Variants in IVD observed in about 807,000 individuals in gnomAD.
IVD encodes the protein isovaleryl-CoA dehydrogenase, mitochondrial.
Under a neutral mutation model 51.3 loss-of-function variants are expected in IVD, and 31 were observed. The ratio of observed to expected loss-of-function variants is 0.60; its 90% CI spans 0.45 to 0.81. The LOEUF is 0.81. IVD is among the 40% of genes least tolerant of loss of function. IVD has a pLI of 0.00. For missense variants in IVD, 475 were observed against 552.0 expected (o/e 0.86, Z 1.40); for synonymous variants, 205 against 219.4 (o/e 0.93, Z 0.58).
In IVD at chr15:40,406,078, C is replaced by T. The variant is rs1890376621; in HGVS notation, c.144+107C>T. 2.6e-6 allele frequency: 4 copies of T among 1,544,358 alleles called. No homozygotes were observed. In the South Asian group the frequency reaches 4.8e-5, roughly 18 times the overall value. ...CGGCCCAGCGCCCACCCAGCCTTGG[C>T]TTTTGCCCGTGGGCCGTTGGGAGCG... On this transcript the variant is annotated intron_variant, in intron 1 of 11. Coordinates refer to ENST00000487418, the MANE Select transcript of IVD (RefSeq NM_002225.5).
At chr15:40,417,844 T>G (rs1254052215) in intron 11 of IVD, among the ~76,000 whole-genome samples, 1 of 152,202 alleles carries the variant, frequency 6.6e-6, no homozygotes, top group Non-Finnish European at 1.5e-5. Context: ...GCCTAGCTCA[T>G]AAATTAAACT....
intron 8 of IVD, 51 bp from the exon 9 acceptor site, chr15:40,415,350 C>G: frequency 6.7e-7 from 1 of 1,482,614 alleles, no homozygotes; most frequent in African/African-American, 1.4e-5. Flanking sequence ...TGCCACCACA[C>G]CCGGTGGTGG....
In IVD at chr15:40,414,900, C is replaced by A; in HGVS notation, c.796C>A (p.Leu266Met). 6.2e-7 allele frequency: 1 copy of A among 1,614,172 alleles called. No individual in the cohort carries two copies. The highest frequency in any genetic ancestry group is 8.5e-7 in the Non-Finnish European group (1 of 1,180,018). ...EDCKIPAANILGHENKGVYVL... is the reference protein window; with the variant it reads ...EDCKIPAANIMGHENKGVYVL... ...ACTTATCCTGGCAGCTGCCAACATC[C>A]TGGGCCATGAGAATAAGGGTGTCTA... is the stretch of plus-strand genomic sequence containing the variant. Residue 266 changes from leucine (L) to methionine (M), a missense_variant, in exon 8 of 12, where the codon CTG (leucine) becomes ATG (methionine). Coordinates refer to ENST00000487418, the MANE Select transcript of IVD (RefSeq NM_002225.5).
intron 3 of IVD, among the ~76,000 whole-genome samples, chr15:40,408,434 C>T (rs781657219): frequency 6.6e-6 from 1 of 152,192 alleles, no homozygotes; most frequent in African/African-American, 2.4e-5. Context: ...TGCCTGTGTC[C>T]TCTTCTGCTT....
Position 40,405,832 on chromosome 15 carries a change from C to T in IVD, c.5C>T (p.Ala2Val), listed in dbSNP as rs200977412. Residue 2 changes from alanine (A) to valine (V), a missense_variant, in exon 1 of 12, where the codon GCG becomes GTG. By Grantham distance (64) the Ala-to-Val change is moderately conservative (BLOSUM62 0). Transcript: ENST00000487418. ...GGCTCTTCGTGCATGGCAGAGATGG[C>T]GACTGCGACTCGGCTGCTGGGGTGG... Reference protein sequence around the residue: MATATRLLGWRV... With the variant: MVTATRLLGWRV... The T allele has an allele frequency of 3.0e-5, 49 of 1,611,620 alleles. No individual in the cohort carries two copies. Among genetic ancestry groups the T allele is most frequent in the East Asian group, 2.2e-4 (10 of 44,836 alleles).
At chr15:40,429,702 G>A (rs1043285326) in intron 7 of IVD, among the ~76,000 whole-genome samples, 39 of 152,176 alleles carry the variant, frequency 2.6e-4, no homozygotes, top group African/African-American at 9.2e-4. Flanking sequence ...CATCAAGGGC[G>A]GCCTTGGAGC....
chr15:40,414,678 C>T (rs902598894), intron 7 of IVD: 5 of 680,488 alleles, frequency 7.3e-6, no homozygotes, highest in Admixed American at 2.5e-5. Flanking sequence ...TGGTTGGCCT[C>T]GTGGATGGGG....
rs903466337 is a variant in IVD, at chr15:40,418,774, T to C, written c.*511T>C. On this transcript the variant is annotated 3_prime_UTR_variant, in exon 12 of 12. Coordinates refer to ENST00000487418, the MANE Select transcript of IVD (RefSeq NM_002225.5). ...CTAATCCTGAAATCTGAAACACTTGTGGTTCCAAGCATTTTGGATAAGGCA... is the reference window on the plus strand; with the variant it reads ...CTAATCCTGAAATCTGAAACACTTGCGGTTCCAAGCATTTTGGATAAGGCA... The C allele has an allele frequency of 7.3e-6, 8 of 1,095,436 alleles. No individual in the cohort carries two copies. Among genetic ancestry groups the C allele is most frequent in the Admixed American group, 4.8e-5 (1 of 20,978 alleles). The allele number at this position is 1,095,436 out of a possible 1,614,324, so 67.9% of individuals were successfully genotyped here.
chr15:40,413,816 G>C (rs1387584190), intron 7 of IVD, among the ~76,000 whole-genome samples: 1 of 151,834 alleles, frequency 6.6e-6, no homozygotes, highest in African/African-American at 2.4e-5. Flanking sequence ...TCAGCCTCCC[G>C]AGTAGCTGGG....
downstream of IVD, among the ~76,000 whole-genome samples, chr15:40,422,536 G>C (rs1375048444): frequency 7.1e-6 from 1 of 140,012 alleles, no homozygotes; most frequent in South Asian, 2.3e-4. Context: ...ACCCACCTCG[G>C]CCTCCCAAAG....
downstream of IVD, among the ~76,000 whole-genome samples, chr15:40,427,594 T>C (rs2141418788): frequency 6.6e-6 from 1 of 152,334 alleles, no homozygotes; most frequent in South Asian, 2.1e-4. Flanking sequence ...TACTTGAGTC[T>C]TGTCTGATGC....
chr15:40,415,563 C>A, intron 9 of IVD, 81 bp downstream of exon 9: 1 of 1,201,774 alleles, frequency 8.3e-7, no homozygotes, highest in Non-Finnish European at 1.2e-6. Flanking sequence ...GAGGTGGGCA[C>A]CGTGGATGGT....
At chr15:40,427,357 A>G (rs901084534), downstream of IVD, among the ~76,000 whole-genome samples, 19 of 152,368 alleles carry the variant, frequency 1.2e-4, no homozygotes, top group African/African-American at 4.6e-4. Flanking sequence ...AGAGGCTGTC[A>G]GACACGCTGC....
rs373295135 is a variant in IVD at position 40,418,121 on chromosome 15, T to C, written c.1139-9T>C. On this transcript the variant is annotated splice_polypyrimidine_tract_variant and intron_variant, in intron 11 of 11. Transcript: ENST00000487418. ...CTTCCTTTCTTCTCTGCCCAAACCC[T>C]GGTTGCAGGTGGCAATGGCTACATC... The C allele has an allele frequency of 2.5e-5, 40 of 1,614,068 alleles. 1 individual carries two copies. The African/African-American group carries it at 4.8e-4, about 19-fold the overall frequency.
At chr15:40,425,657 A>G (rs891399835), downstream of IVD, among the ~76,000 whole-genome samples, 1 of 151,876 alleles carries the variant, frequency 6.6e-6, no homozygotes, top group Non-Finnish European at 1.5e-5. Flanking sequence ...GGTAACTGGG[A>G]TTACAGGGAT....
At chr15:40,428,674 AC>A (rs1426731797), downstream of IVD, among the ~76,000 whole-genome samples, 1 of 151,622 alleles carries the variant, frequency 6.6e-6, no homozygotes, top group Non-Finnish European at 1.5e-5. Flanking sequence ...CCACCTGATC[AC>A]CCACACCTCC....
chr15:40,424,471 A>T, downstream of IVD: 1 of 269,376 alleles, frequency 3.7e-6, no homozygotes, highest in Non-Finnish European at 7.2e-6. Flanking sequence ...CTCTTCTCCA[A>T]CCTTCCCTCA....
chr15:40,407,822 GCC>G (rs1219352520), intron 2 of IVD, 97 bp downstream of exon 2: 200 of 1,453,950 alleles, frequency 1.4e-4, no homozygotes, highest in Non-Finnish European at 1.9e-4. Context: ...GGTAAATGAA[GCC>G]TCTCTAAGAA....
chr15:40,420,890 C>T lies in IVD; in HGVS notation c.*2627C>T, dbSNP rs1310119563. ...TGGGTCTGGGTTGTTCCACCCCTTC[C>T]GAGTTCCAAAAAGAGGGAACTGGTT... is the stretch of plus-strand genomic sequence containing the variant. On this transcript the variant is annotated 3_prime_UTR_variant, in exon 12 of 12. Coordinates refer to ENST00000487418, the MANE Select transcript of IVD (RefSeq NM_002225.5). The T allele has an allele frequency of 1.1e-4, 104 of 985,482 alleles. No homozygotes were observed. Among genetic ancestry groups the T allele is most frequent in the Non-Finnish European group, 1.2e-4 (102 of 830,072 alleles). 61.0% of individuals were successfully genotyped at this position (985,482 alleles called of 1,614,324 possible). A position where few individuals can be genotyped will look rare whatever the true frequency, so the allele number is the denominator to read the frequency against.
Sources: allele counts gnomAD v4.1 joint callset (sites outside exome capture counted in the v4.1 genomes callset), GRCh38; gene constraint gnomAD v4.1.1; transcripts MANE v1.5; gene names NCBI Gene and HGNC (gene_info 2026-07-23, HGNC 2026-07-21).